SPAG17: variants seen among roughly 807,000 people sequenced by gnomAD.
SPAG17 encodes the protein sperm associated antigen 17, also known as sperm-associated antigen 17.
In SPAG17, 169 loss-of-function variants were observed where a neutral mutation model predicts 273.6. That is an observed-to-expected ratio of 0.62 (90% confidence interval 0.55 to 0.70). The LOEUF is 0.70. SPAG17 is among the 30% of genes least tolerant of loss of function. SPAG17 has a pLI of 0.00. For synonymous variants in SPAG17, 825 were observed against 873.2 expected (o/e 0.94, Z 0.97); for missense variants, 2,557 against 2,627.8 (o/e 0.97, Z 0.59).
In SPAG17 at chr1:117,968,793, C is replaced by T. The variant is rs1227025330; in HGVS notation, c.6387+1263G>A. Among the ~76,000 whole-genome samples, 30 of 152,194 alleles carry T rather than the reference C, an allele frequency of 2.0e-4. 1 individual carries two copies. Among genetic ancestry groups the T allele is most frequent in the Admixed American group, 2.0e-3 (30 of 15,284 alleles). On this transcript the variant is annotated intron_variant, in intron 46 of 48. Coordinates refer to ENST00000336338, the MANE Select transcript of SPAG17 (RefSeq NM_206996.4). ...GGGTGCTTGTTAACAGGACTGGATA[C>T]TTTTGTGCACTGTTCTCACAGGCCT...
chr1:118,150,784 C>T (rs1042169408), intron 2 of SPAG17, among the ~76,000 whole-genome samples, 155 bp from the exon 3 acceptor site: 5 of 152,150 alleles, frequency 3.3e-5, no homozygotes, highest in Non-Finnish European at 5.9e-5. Context: ...ATAGTTACTT[C>T]GTAAGCTGTC....
chr1:118,019,796 G>C (rs1052670143), intron 28 of SPAG17, among the ~76,000 whole-genome samples: 2 of 152,154 alleles, frequency 1.3e-5, no homozygotes, highest in African/African-American at 4.8e-5. Flanking sequence ...AAGCAAGAGA[G>C]TATAAAGGAT....
intron 32 of SPAG17, 58 bp downstream of exon 32, chr1:118,005,356 T>G: frequency 7.1e-7 from 1 of 1,404,786 alleles, no homozygotes; most frequent in Admixed American, 2.5e-5. Context: ...CTTTGTAGTG[T>G]GAAATATCTC....
At chr1:118,180,022 A>C (rs1660869695) in intron 1 of SPAG17, among the ~76,000 whole-genome samples, 1 of 152,104 alleles carries the variant, frequency 6.6e-6, no homozygotes, top group African/African-American at 2.4e-5. Flanking sequence ...GACACTATAG[A>C]AAACTGTAGG....
At chr1:118,056,597 G>A (rs1020594468) in intron 18 of SPAG17, among the ~76,000 whole-genome samples, 3 of 152,140 alleles carry the variant, frequency 2.0e-5, no homozygotes, top group Admixed American at 6.5e-5. Context: ...AGTTGTTTCT[G>A]AGGACATTAG....
chr1:118,089,809 T>C (rs1488576073), intron 10 of SPAG17, among the ~76,000 whole-genome samples: 1 of 152,126 alleles, frequency 6.6e-6, no homozygotes, highest in Non-Finnish European at 1.5e-5. Flanking sequence ...TCCACCTAAA[T>C]CTCATCTCAA....
At chr1:117,983,757 G>A in intron 42 of SPAG17, 54 bp downstream of exon 42, 2 of 1,233,880 alleles carry the variant, frequency 1.6e-6, no homozygotes, top group Admixed American at 1.8e-5. Flanking sequence ...CCACTGTTAG[G>A]TATTATTCAG....
At chr1:117,959,466 T>TC in intron 48 of SPAG17, 1 of 1,550,454 alleles carries the variant, frequency 6.4e-7, no homozygotes, top group Non-Finnish European at 8.7e-7. Flanking sequence ...TGTGGTATCT[T>TC]TTTTTTTTTC....
intron 32 of SPAG17, among the ~76,000 whole-genome samples, chr1:118,004,190 G>A (rs745890886): frequency 3.3e-5 from 5 of 152,110 alleles, no homozygotes; most frequent in African/African-American, 7.2e-5. Flanking sequence ...TGGAAGCTTC[G>A]TCCCAGAGGG....
chr1:118,165,620 T>C (rs1334593822), intron 1 of SPAG17, among the ~76,000 whole-genome samples: 1 of 148,286 alleles, frequency 6.7e-6, no homozygotes, highest in Non-Finnish European at 1.5e-5. Context: ...TAACAACAAG[T>C]GTAAATTAAA....
chr1:118,056,694 A>G (rs934204806), intron 18 of SPAG17, among the ~76,000 whole-genome samples: 2 of 152,234 alleles, frequency 1.3e-5, no homozygotes, highest in African/African-American at 2.4e-5. Context: ...ATAAAGCTAG[A>G]TGGCTTATAT....
At chr1:118,011,086 G>A (rs757973246) in intron 30 of SPAG17, among the ~76,000 whole-genome samples, 1 of 152,132 alleles carries the variant, frequency 6.6e-6, no homozygotes, top group Non-Finnish European at 1.5e-5. Flanking sequence ...TGCTGGCCAG[G>A]TTGCAGCAAA....
At chr1:118,093,718 T>C (rs1655533604) in intron 7 of SPAG17, among the ~76,000 whole-genome samples, 1 of 152,202 alleles carries the variant, frequency 6.6e-6, no homozygotes, top group African/African-American at 2.4e-5. Flanking sequence ...TACCTGGCTA[T>C]GCAAGGAACA....
intron 19 of SPAG17, 106 bp from the exon 20 acceptor site, chr1:118,054,199 T>A: frequency 1.5e-6 from 1 of 665,148 alleles, no homozygotes; most frequent in Non-Finnish European, 2.5e-6. Context: ...AAGTTCAACT[T>A]CTCATTTATT....
At position 117,990,841 on chromosome 1, in the gene SPAG17, G is replaced by A; in HGVS notation, c.5521+20C>T. 3 of 1,514,516 alleles carry A rather than the reference G, an allele frequency of 2.0e-6. No homozygotes were observed. Among genetic ancestry groups the A allele is most frequent in the Non-Finnish European group, 2.7e-6 (3 of 1,105,130 alleles). 93.8% of individuals were successfully genotyped at this position (1,514,516 alleles called of 1,614,324 possible). The stretch of plus-strand genomic sequence containing the variant: ...TGAAACTTGTAAATATACTGCAGAA[G>A]AATATTAAATGCAACTTACCTTCAG... On this transcript the variant is annotated intron_variant, in intron 38 of 48. Coordinates refer to ENST00000336338, the MANE Select transcript of SPAG17 (RefSeq NM_206996.4).
At chr1:118,011,689 C>T (rs1249075076) in intron 30 of SPAG17, among the ~76,000 whole-genome samples, 1 of 151,932 alleles carries the variant, frequency 6.6e-6, no homozygotes, top group Non-Finnish European at 1.5e-5. Context: ...ATATTACAAA[C>T]CTGTACATGT....
At chr1:118,032,084 C>G (rs756393289) in intron 24 of SPAG17, among the ~76,000 whole-genome samples, 3 of 152,082 alleles carry the variant, frequency 2.0e-5, no homozygotes, top group African/African-American at 4.8e-5. Flanking sequence ...TTGGATATGC[C>G]TCACTGAATC....
chr1:118,091,809 T>C, intron 9 of SPAG17, 91 bp from the exon 10 acceptor site: 1 of 1,321,622 alleles, frequency 7.6e-7, no homozygotes, highest in Non-Finnish European at 1.1e-6. Context: ...ACTATGACTA[T>C]GCACTAATAA....
At chr1:118,020,326 T>G (rs1424945901) in intron 28 of SPAG17, among the ~76,000 whole-genome samples, 1 of 151,940 alleles carries the variant, frequency 6.6e-6, no homozygotes, top group Non-Finnish European at 1.5e-5. Flanking sequence ...CCCAGCCACT[T>G]GGGAGGCTGA....
Sources: allele counts gnomAD v4.1 joint callset (sites outside exome capture counted in the v4.1 genomes callset), GRCh38; gene constraint gnomAD v4.1.1; transcripts MANE v1.5; gene names NCBI Gene and HGNC (gene_info 2026-07-23, HGNC 2026-07-21).